The following RNF17 variants were observed in gnomAD, a reference collection of about 807,000 sequenced individuals.
RNF17 encodes spermatogenesis associated 23.
A neutral mutation model predicts 200.5 loss-of-function variants in RNF17; 31 were observed. That is an observed-to-expected ratio of 0.15 (90% confidence interval 0.12 to 0.21). RNF17 has a LOEUF of 0.21. RNF17 is among the 10% of genes least tolerant of loss of function. The pLI, the probability that RNF17 is intolerant of heterozygous loss-of-function variation, is 1.00. For synonymous variants in RNF17, 606 were observed against 637.8 expected (o/e 0.95, Z 0.75); for missense variants, 1,628 against 1,905.1 (o/e 0.85, Z 2.71).
intron 1 of RNF17, among the ~76,000 whole-genome samples, chr13:24,765,102 G>A (rs1164649302): frequency 6.6e-6 from 1 of 152,040 alleles, no homozygotes; most frequent in African/African-American, 2.4e-5. Flanking sequence ...TGCAAGCTCC[G>A]CCTCCCAGGT....
chr13:24,758,936 C>T, the RNF17 span, among the ~76,000 whole-genome samples: 7 of 151,822 alleles, frequency 4.6e-5, no homozygotes, highest in South Asian at 2.1e-4. Flanking sequence ...ATTAGCCGGG[C>T]GTGGTGGTGT....
At chr13:24,844,894 T>A in intron 21 of RNF17, 67 bp from the exon 22 acceptor site, 1 of 1,558,622 alleles carries the variant, frequency 6.4e-7, no homozygotes, top group South Asian at 1.1e-5. Context: ...CATTGAGTTT[T>A]TCAGTTTGCC....
At chr13:24,806,410 T>C (rs1566158663) in intron 15 of RNF17, among the ~76,000 whole-genome samples, 1 of 152,220 alleles carries the variant, frequency 6.6e-6, no homozygotes, top group Non-Finnish European at 1.5e-5. Flanking sequence ...AATGGATTTC[T>C]GGTTCTAGAT....
downstream of RNF17, chr13:24,884,182 GT>G: frequency 1.2e-6 from 2 of 1,614,184 alleles, no homozygotes; most frequent in Non-Finnish European, 1.7e-6. Context: ...CTTGAGAAAT[GT>G]AAGACTTCCA....
chr13:24,781,892 A>G lies in RNF17; in HGVS notation c.559A>G (p.Ile187Val), dbSNP rs1882425104. ...AACGATAGAGGAAAGAGAAAGAGTT[A>G]TAGAAGTTGTGGAGAAACAGTTTGA... Reference protein sequence around the residue: ...KQTIEERERVIEVVEKQFDQL... With the variant: ...KQTIEERERVVEVVEKQFDQL... The change falls in exon 6 of 36, where the codon ATA becomes GTA. Residue 187 changes from isoleucine (I) to valine (V), a missense_variant. Ile to Val is a conservative substitution (Grantham distance 29). Transcript: ENST00000255324. 1 of 1,613,162 alleles carries G rather than the reference A, an allele frequency of 6.2e-7. No homozygotes were observed. Among genetic ancestry groups the G allele is most frequent in the Admixed American group, 1.7e-5 (1 of 59,898 alleles).
chr13:24,843,975 TA>T lies in RNF17; in HGVS notation c.2831+6del, dbSNP rs1275747737. 1 of 848,942 alleles carries T rather than the reference TA, an allele frequency of 1.2e-6. No individual in the cohort carries two copies. The highest frequency in any genetic ancestry group is 3.0e-5 in the Admixed American group (1 of 33,098). 52.6% of individuals were successfully genotyped at this position (848,942 alleles called of 1,614,324 possible). A position where few individuals can be genotyped will look rare whatever the true frequency, so the allele number is the denominator to read the frequency against. ...TAACTGAAAACTTACTTAATAGGTATAATATATATATATAATATATAAGGAA... is the reference window on the plus strand; with the variant it reads ...TAACTGAAAACTTACTTAATAGGTATATATATATATATAATATATAAGGAA... On this transcript the variant is annotated splice_donor_5th_base_variant and intron_variant, in intron 20 of 35. Transcript: ENST00000255324.
intron 22 of RNF17, among the ~76,000 whole-genome samples, chr13:24,845,884 A>T (rs149452512): frequency 2.6e-5 from 4 of 152,206 alleles, no homozygotes; most frequent in African/African-American, 9.6e-5. Flanking sequence ...ATAGACTTCA[A>T]TTTGAGCAAG....
At chr13:24,860,585 G>T (rs538216403) in intron 26 of RNF17, among the ~76,000 whole-genome samples, 1 of 152,190 alleles carries the variant, frequency 6.6e-6, no homozygotes, top group African/African-American at 2.4e-5. Flanking sequence ...CAATTAAACA[G>T]TGATATGTTC....
At chr13:24,827,724 A>C (rs1343783241) in intron 16 of RNF17, among the ~76,000 whole-genome samples, 1 of 148,902 alleles carries the variant, frequency 6.7e-6, no homozygotes, top group African/African-American at 2.5e-5. Context: ...AAAACAAAAA[A>C]AAAAAAACAA....
intron 15 of RNF17, among the ~76,000 whole-genome samples, chr13:24,807,382 C>A (rs1168369425): frequency 1.3e-5 from 2 of 151,746 alleles, no homozygotes; most frequent in African/African-American, 4.8e-5. Flanking sequence ...TTTTGATTTG[C>A]ATTTCTCTGA....
chr13:24,764,075 T>G, upstream of RNF17: 1 of 854,244 alleles, frequency 1.2e-6, no homozygotes, highest in Non-Finnish European at 1.8e-6. Context: ...GGAGCGAGCT[T>G]GGGGGCGGGC....
chr13:24,819,371 T>C (rs1887771380), intron 15 of RNF17, among the ~76,000 whole-genome samples: 1 of 152,212 alleles, frequency 6.6e-6, no homozygotes, highest in Admixed American at 6.5e-5. Context: ...TTTCCTATTT[T>C]AAGGCTGAAT....
rs1893611687 is a variant in RNF17 at position 24,866,219 on chromosome 13, A to G, written c.4161+16A>G. ...AAGGTTTGAGGTAAGTAACAATCCA[A>G]GTATTTTGGAAACTTTGGACACTTC... is the stretch of plus-strand genomic sequence containing the variant. On this transcript the variant is annotated intron_variant, in intron 30 of 35. Coordinates refer to ENST00000255324, the MANE Select transcript of RNF17 (RefSeq NM_031277.3). 1 of 1,462,642 alleles carries G rather than the reference A, an allele frequency of 6.8e-7. No individual in the cohort carries two copies. Among genetic ancestry groups the G allele is most frequent in the South Asian group, 1.2e-5 (1 of 84,296 alleles). 90.6% of individuals were successfully genotyped at this position (1,462,642 alleles called of 1,614,324 possible).
Position 24,802,446 on chromosome 13 carries a change from A to G in RNF17, c.1824A>G (p.Ser608=). Residue 608 remains serine, a synonymous_variant, in exon 14 of 36, where the codon TCA becomes TCG. Coordinates refer to ENST00000255324, the MANE Select transcript of RNF17 (RefSeq NM_031277.3). ...FLKMVNNKAV[S]MKVFREEDGV... ...AAATGGTAAATAACAAGGCTGTTTC[A>G]ATGAAAGTTTTTAGAGAAGAAGATG... 3 of 1,613,934 alleles carry G rather than the reference A, an allele frequency of 1.9e-6. No homozygotes were observed. Among genetic ancestry groups the G allele is most frequent in the Non-Finnish European group, 2.5e-6 (3 of 1,179,934 alleles).
the RNF17 span, among the ~76,000 whole-genome samples, chr13:24,757,652 T>G: frequency 6.6e-6 from 1 of 152,186 alleles, no homozygotes; most frequent in Non-Finnish European, 1.5e-5. Flanking sequence ...AAAGAACATA[T>G]AATAGTTGGA....
intron 5 of RNF17, among the ~76,000 whole-genome samples, chr13:24,780,075 C>T (rs992100631): frequency 6.6e-6 from 1 of 152,194 alleles, no homozygotes; most frequent in East Asian, 1.9e-4. Context: ...GTCTCTTTCT[C>T]TCTTCCTACT....
At chr13:24,794,464 A>C (rs1301083802) in intron 10 of RNF17, among the ~76,000 whole-genome samples, 1 of 152,152 alleles carries the variant, frequency 6.6e-6, no homozygotes, top group East Asian at 1.9e-4. Context: ...ATTTGAGCTC[A>C]GGAGTTCGAA....
intron 30 of RNF17, among the ~76,000 whole-genome samples, chr13:24,867,779 G>C (rs780842040): frequency 2.0e-5 from 3 of 152,176 alleles, no homozygotes; most frequent in Non-Finnish European, 4.4e-5. Flanking sequence ...TGGGAATCAT[G>C]TAACTGTAGT....
chr13:24,855,583 G>A (rs1403764610), intron 25 of RNF17, among the ~76,000 whole-genome samples: 2 of 151,852 alleles, frequency 1.3e-5, no homozygotes, highest in East Asian at 1.9e-4. Flanking sequence ...AGCCCAGATC[G>A]TGCCACTGCT....
Sources: gnomAD v4.1 joint callset for allele counts (sites outside exome capture counted in the v4.1 genomes callset) on GRCh38, gnomAD v4.1.1 for gene constraint, MANE v1.5 for transcripts, NCBI Gene and HGNC (gene_info 2026-07-23, HGNC 2026-07-21) for gene names.